Variants in PDCD6IP observed in about 807,000 individuals in gnomAD.
PDCD6IP encodes the protein programmed cell death 6-interacting protein.
A neutral mutation model predicts 103.7 loss-of-function variants in PDCD6IP; 43 were observed. The ratio of observed to expected loss-of-function variants is 0.41; its 90% CI spans 0.32 to 0.53. The LOEUF (loss-of-function observed/expected upper bound fraction) is 0.53. PDCD6IP is among the 20% of genes least tolerant of loss of function. The pLI is 0.16. For synonymous variants in PDCD6IP, 354 were observed against 378.7 expected, an observed-to-expected ratio of 0.93 and a Z score of 0.76; for missense variants, 871 against 1,036.7, an observed-to-expected ratio of 0.84 and a Z score of 2.20.
intron 3 of PDCD6IP, among the ~76,000 whole-genome samples, chr3:33,821,626 T>G (rs1696993747): frequency 6.6e-6 from 1 of 152,156 alleles, no homozygotes; most frequent in South Asian, 2.1e-4. Context: ...TGGAAATAAT[T>G]TATTCAAATT....
chr3:33,811,486 A>G (rs1324178913), intron 1 of PDCD6IP, among the ~76,000 whole-genome samples: 2 of 152,212 alleles, frequency 1.3e-5, no homozygotes, highest in African/African-American at 4.8e-5. Context: ...AGACTTGCTG[A>G]CTGACAGCTC....
At chr3:33,830,400 A>T (rs1262304382) in intron 7 of PDCD6IP, among the ~76,000 whole-genome samples, 1 of 152,314 alleles carries the variant, frequency 6.6e-6, no homozygotes, top group East Asian at 1.9e-4. Flanking sequence ...AAGTAAGCCC[A>T]TATTTAGTCT....
In PDCD6IP at chr3:33,868,925, C is replaced by T. The variant is rs1698126264; in HGVS notation, c.*2400C>T. The T allele has an allele frequency of 6.6e-6, 1 of 152,174 alleles. No homozygotes were observed. Among genetic ancestry groups the T allele is most frequent in the Non-Finnish European group, 1.5e-5 (1 of 68,046 alleles). 9.4% of individuals were successfully genotyped at this position (152,174 alleles called of 1,614,324 possible). A position where few individuals can be genotyped will look rare whatever the true frequency, so the allele number is the denominator to read the frequency against. On this transcript the variant is annotated 3_prime_UTR_variant, in exon 18 of 18. Transcript: ENST00000307296. Reference sequence around the variant, plus strand: ...GATCTAAGAGAACTCTCCCTGTGCCCCTTGGTCTTTATTCTCAATTAAGAA... The same window carrying T: ...GATCTAAGAGAACTCTCCCTGTGCCTCTTGGTCTTTATTCTCAATTAAGAA...
At chr3:33,818,492 C>G (rs1484296609) in intron 3 of PDCD6IP, among the ~76,000 whole-genome samples, 1 of 139,520 alleles carries the variant, frequency 7.2e-6, no homozygotes, top group East Asian at 2.1e-4. Context: ...ATATTCAGAA[C>G]TTGAAGATAT....
At chr3:33,826,825 C>G (rs1253899666) in intron 6 of PDCD6IP, 59 of 1,255,706 alleles carry the variant, frequency 4.7e-5, no homozygotes, top group Admixed American at 1.6e-4. Context: ...AGAACTCTTT[C>G]TGGAAAATGT....
intron 7 of PDCD6IP, among the ~76,000 whole-genome samples, chr3:33,831,834 T>C (rs1171042998): frequency 1.3e-5 from 2 of 152,004 alleles, no homozygotes; most frequent in South Asian, 2.1e-4. Flanking sequence ...GCTATTAATA[T>C]ATACAGTGTT....
rs1264746244 is a variant in PDCD6IP, at chr3:33,868,880, T to G, written c.*2355T>G. 1 of 152,250 alleles carries G rather than the reference T, an allele frequency of 6.6e-6. No individual in the cohort carries two copies. Among genetic ancestry groups the G allele is most frequent in the Non-Finnish European group, 1.5e-5 (1 of 68,050 alleles). 9.4% of individuals were successfully genotyped at this position (152,250 alleles called of 1,614,324 possible). On this transcript the variant is annotated 3_prime_UTR_variant, in exon 18 of 18. Transcript: ENST00000307296. ...TGGGGAAAACACTGTCTAATTTTTA[T>G]CAGTCTGGTATAAAGTATTGATCTA... is the stretch of plus-strand genomic sequence containing the variant.
chr3:33,864,704 A>G (rs1698026697), intron 16 of PDCD6IP, among the ~76,000 whole-genome samples: 1 of 152,214 alleles, frequency 6.6e-6, no homozygotes, highest in Admixed American at 6.5e-5. Context: ...ATGTAGGAGA[A>G]TATCCTTATG....
intron 12 of PDCD6IP, among the ~76,000 whole-genome samples, chr3:33,847,177 T>A (rs1423050987): frequency 6.6e-6 from 1 of 152,232 alleles, no homozygotes; most frequent in East Asian, 1.9e-4. Context: ...TTTGTATTCT[T>A]TTTGGTGTCT....
chr3:33,841,734 G>A (rs970499434), intron 9 of PDCD6IP, among the ~76,000 whole-genome samples, 163 bp from the exon 10 acceptor site: 4 of 152,094 alleles, frequency 2.6e-5, no homozygotes, highest in Non-Finnish European at 5.9e-5. Flanking sequence ...CACCGCGCCC[G>A]GCCTTTGCTT....
In PDCD6IP at chr3:33,864,106, A is replaced by C. The variant is rs757738871; in HGVS notation, c.2221A>C (p.Thr741Pro). The stretch of plus-strand genomic sequence containing the variant: ...AGGAGGACATGCACCAACTCCTCCA[A>C]CTCCAGCGCCAAGAACCATGCCGGT... ...PAGGHAPTPP[T>P]PAPRTMPPTK... Residue 741 changes from threonine to proline, a missense_variant, in exon 16 of 18, where the codon ACT becomes CCT. Transcript: ENST00000307296. The C allele has an allele frequency of 4.4e-6, 7 of 1,607,230 alleles. No individual in the cohort carries two copies. The highest frequency in any genetic ancestry group is 4.5e-5 in the East Asian group (2 of 44,842).
chr3:33,864,071 C>G lies in PDCD6IP; in HGVS notation c.2186C>G (p.Ser729Cys). 6.2e-7 allele frequency: 1 copy of G among 1,614,010 alleles called. No homozygotes were observed. The highest frequency in any genetic ancestry group is 8.5e-7 in the Non-Finnish European group (1 of 1,179,872). Residue 729 changes from serine (S) to cysteine (C), a missense_variant, in exon 16 of 18, where the codon TCC becomes TGC. Around this residue, in one of 5 missense-constraint regions of PDCD6IP, gnomAD observed 202 missense variants for 205.2 expected, o/e 0.98. Transcript: ENST00000307296. ...TCAATTCCTACACCTGCGTATCAGT[C>G]CTCACCAGCAGGAGGACATGCACCA... is the stretch of plus-strand genomic sequence containing the variant. ...APSIPTPAYQ[S>C]SPAGGHAPTP... is the part of the protein sequence containing the mutation.
At position 33,817,442 on chromosome 3, in the gene PDCD6IP, ATGAGTTATTTTCG is replaced by A. The variant is rs759575222; in HGVS notation, c.334+3816_334+3828del. On this transcript the variant is annotated intron_variant, in intron 3 of 17. Coordinates refer to ENST00000307296, the MANE Select transcript of PDCD6IP (RefSeq NM_013374.6). ...TGAATTTTAGAAAGCTGTTATTTTC[ATGAGTTATTTTCG>A]TTTTGAAAAACTTAGAGGCTGGAAG... Among the ~76,000 whole-genome samples, 8 of 152,284 alleles carry A rather than the reference ATGAGTTATTTTCG, an allele frequency of 5.3e-5. No individual in the cohort carries two copies. The South Asian group carries it at 8.3e-4, about 16-fold the overall frequency.
In PDCD6IP at chr3:33,798,929, G is replaced by C; in HGVS notation, c.201G>C (p.Thr67=). The C allele has an allele frequency of 6.5e-7, 1 of 1,528,018 alleles. No homozygotes were observed. The highest frequency in any genetic ancestry group is 1.4e-5 in the African/African-American group (1 of 72,602). The allele number at this position is 1,528,018 out of a possible 1,614,324, so 94.7% of individuals were successfully genotyped here. The change falls in exon 1 of 18, where the codon ACG becomes ACC. Residue 67 remains threonine, a synonymous_variant. Transcript: ENST00000307296. ...ACAAGCACGAGGGCGCGCTCGAGAC[G>C]CTCCTGAGGTGGGCGCGGGGCTGGG... ...PLDKHEGALE[T]LLRYYDQICS... is the part of the protein sequence containing the mutation.
At chr3:33,817,989 A>C (rs1696893288) in intron 3 of PDCD6IP, among the ~76,000 whole-genome samples, 1 of 152,010 alleles carries the variant, frequency 6.6e-6, no homozygotes, top group Non-Finnish European at 1.5e-5. Flanking sequence ...AAAATGAGAG[A>C]CTACAGTCTG....
Position 33,866,517 on chromosome 3 carries a change from C to T in PDCD6IP, c.2599C>T (p.Gln867Ter). ...GCCCCCACAGCAGTCTTACTATCCA[C>T]AGCAGTAATATGTCTGCTCAGCAGC... ...PQPPQQSYYP[Q>*]Q The change falls in exon 18 of 18, where the codon CAG (glutamine) becomes TAG (stop). Residue 867 changes from glutamine (Q) to a stop codon, truncating the protein, a stop_gained. Coordinates refer to ENST00000307296, the MANE Select transcript of PDCD6IP (RefSeq NM_013374.6). LOFTEE classifies it high-confidence loss of function. 1 of 1,602,384 alleles carries T rather than the reference C, an allele frequency of 6.2e-7. No homozygotes were observed. The highest frequency in any genetic ancestry group is 1.1e-5 in the South Asian group (1 of 88,628).
At chr3:33,810,048 C>T (rs1696681755) in intron 1 of PDCD6IP, among the ~76,000 whole-genome samples, 1 of 152,076 alleles carries the variant, frequency 6.6e-6, no homozygotes, top group Non-Finnish European at 1.5e-5. Flanking sequence ...GCTTGTTGTA[C>T]TAATTAGTAA....
At chr3:33,813,432 G>A in intron 2 of PDCD6IP, 127 bp from the exon 3 acceptor site, 2 of 619,296 alleles carry the variant, frequency 3.2e-6, no homozygotes, top group Non-Finnish European at 5.7e-6. Flanking sequence ...AAGTTGGGTG[G>A]TTATAGGAGA....
intron 9 of PDCD6IP, among the ~76,000 whole-genome samples, chr3:33,838,929 C>T (rs1697411149): frequency 6.6e-6 from 1 of 151,988 alleles, no homozygotes; most frequent in Admixed American, 6.6e-5. Flanking sequence ...CCTCAGCCTC[C>T]TGTGTAGCTG....
Sources: allele counts gnomAD v4.1 joint callset (sites outside exome capture counted in the v4.1 genomes callset), GRCh38; gene constraint gnomAD v4.1.1; regional missense constraint gnomAD v4.1.1; transcripts MANE v1.5; gene names NCBI Gene and HGNC (gene_info 2026-07-23, HGNC 2026-07-21).